CMBL: variants seen among roughly 807,000 people sequenced by gnomAD.
The protein encoded by CMBL is carboxymethylenebutenolidase homolog.
In CMBL, 17 loss-of-function variants were observed where a neutral mutation model predicts 28.7. That is an observed-to-expected ratio of 0.59 (90% CI 0.41 to 0.89). The LOEUF (loss-of-function observed/expected upper bound fraction) is 0.89. CMBL is among the 40% of genes least tolerant of loss of function. CMBL has a pLI of 0.00. For missense variants in CMBL, 310 were observed against 298.5 expected (o/e 1.04, Z -0.28); for synonymous variants, 106 against 101.6 (o/e 1.04, Z -0.26).
chr5:10,290,693 C>G lies in CMBL; in HGVS notation c.70G>C (p.Glu24Gln). ...HRLEYGGLGREVQVEHIKAYV... is the reference protein window; with the variant it reads ...HRLEYGGLGRQVQVEHIKAYV... ...GCCTTGATGTGCTCGACTTGAACTT[C>G]ACGGCCTAGCCCTCCATACTCAAGT... is the stretch of plus-strand genomic sequence containing the variant. Residue 24 changes from glutamate (E) to glutamine (Q), a missense_variant, in exon 2 of 6, where the codon GAA becomes CAA. By Grantham distance (29) the Glu-to-Gln change is conservative. Coordinates refer to ENST00000296658, the MANE Select transcript of CMBL (RefSeq NM_138809.4). 1 of 1,614,206 alleles carries G rather than the reference C, an allele frequency of 6.2e-7. No homozygotes were observed. Among genetic ancestry groups the G allele is most frequent in the Non-Finnish European group, 8.5e-7 (1 of 1,180,050 alleles).
chr5:10,280,276 A>G lies in CMBL; in HGVS notation c.*177T>C. 1.9e-6 allele frequency: 1 copy of G among 514,486 alleles called. No individual in the cohort carries two copies. The highest frequency in any genetic ancestry group is 3.4e-6 in the Non-Finnish European group (1 of 296,362). 31.9% of individuals were successfully genotyped at this position (514,486 alleles called of 1,614,324 possible). On this transcript the variant is annotated 3_prime_UTR_variant, in exon 6 of 6. Transcript: ENST00000296658. ...TAAATTATGATTCGATGTACATGTCAAAAATTAAATTATTTCATGCATTAC... is the reference window on the plus strand; with the variant it reads ...TAAATTATGATTCGATGTACATGTCGAAAATTAAATTATTTCATGCATTAC...
chr5:10,282,324 C>CCA, intron 4 of CMBL, 36 bp from the exon 5 acceptor site: 2 of 1,221,394 alleles, frequency 1.6e-6, no homozygotes, highest in Non-Finnish European at 2.4e-6. Context: ...TGTCTGATCC[C>CCA]CACACTCATG....
In CMBL at chr5:10,279,666, A is replaced by T. The variant is rs2126535696; in HGVS notation, c.*787T>A. 1 of 152,086 alleles carries T rather than the reference A, an allele frequency of 6.6e-6. No homozygotes were observed. The highest frequency in any genetic ancestry group is 6.6e-5 in the Admixed American group (1 of 15,266). 9.4% of individuals were successfully genotyped at this position (152,086 alleles called of 1,614,324 possible). A position where few individuals can be genotyped will look rare whatever the true frequency, so the allele number is the denominator to read the frequency against. ...AGTGATTCTCCTCCTCAGACTCCTG[A>T]GTAGCTGGGATTACAGGCACATGCC... On this transcript the variant is annotated 3_prime_UTR_variant, in exon 6 of 6. Coordinates refer to ENST00000296658, the MANE Select transcript of CMBL (RefSeq NM_138809.4).
intron 1 of CMBL, among the ~76,000 whole-genome samples, chr5:10,295,178 G>T (rs1019026434): frequency 1.3e-5 from 2 of 152,004 alleles, no homozygotes; most frequent in Non-Finnish European, 2.9e-5. Flanking sequence ...CCACCTTCTG[G>T]GTTCAAGCGA....
chr5:10,301,875 G>A (rs903760797), intron 1 of CMBL, among the ~76,000 whole-genome samples: 1 of 151,646 alleles, frequency 6.6e-6, no homozygotes, highest in Admixed American at 6.6e-5. Flanking sequence ...TTGGCTATGA[G>A]GACCTAGGGA....
In CMBL at chr5:10,280,445, G is replaced by C; in HGVS notation, c.*8C>G. 1 of 1,563,968 alleles carries C rather than the reference G, an allele frequency of 6.4e-7. No individual in the cohort carries two copies. Among genetic ancestry groups the C allele is most frequent in the Non-Finnish European group, 8.7e-7 (1 of 1,144,572 alleles). On this transcript the variant is annotated 3_prime_UTR_variant, in exon 6 of 6. Coordinates refer to ENST00000296658, the MANE Select transcript of CMBL (RefSeq NM_138809.4). ...AGCTATTCTAGGAAGGCTTGCCCTT[G>C]ATTCTTGCTACATGTACTTGTTCAG...
chr5:10,282,248 G>A lies in CMBL; in HGVS notation c.507C>T (p.Asn169=). Reference sequence around the variant, plus strand: ...TTTCAGCAAAAATGAACAAAGTGGGGTTCTTTAAATTGTAAATGTCTTCAG... The same window carrying A: ...TTTCAGCAAAAATGAACAAAGTGGGATTCTTTAAATTGTAAATGTCTTCAG... ...KDSEDIYNLK[N]PTLFIFAEND... is the part of the protein sequence containing the mutation. Residue 169 remains asparagine, a synonymous_variant, in exon 5 of 6, where the codon AAC becomes AAT. Transcript: ENST00000296658. 2 of 1,613,060 alleles carry A rather than the reference G, an allele frequency of 1.2e-6. No homozygotes were observed. Among genetic ancestry groups the A allele is most frequent in the South Asian group, 2.2e-5 (2 of 91,072 alleles).
At chr5:10,291,006 G>C (rs937153488) in intron 1 of CMBL, among the ~76,000 whole-genome samples, 1 of 152,082 alleles carries the variant, frequency 6.6e-6, no homozygotes, top group Non-Finnish European at 1.5e-5. Context: ...AAAAAATAGC[G>C]ATGAAAGAAC....
At chr5:10,304,164 C>CAAA (rs1746958318) in intron 1 of CMBL, among the ~76,000 whole-genome samples, 1 of 151,570 alleles carries the variant, frequency 6.6e-6, no homozygotes, top group African/African-American at 2.4e-5. Flanking sequence ...AGTTCAAGAC[C>CAAA]TGCCTGGGCA....
chr5:10,283,910 G>T (rs1746549362), intron 4 of CMBL, among the ~76,000 whole-genome samples: 1 of 152,218 alleles, frequency 6.6e-6, no homozygotes, highest in South Asian at 2.1e-4. Flanking sequence ...GTAAGTAAAA[G>T]ATTTGCAGCA....
At position 10,290,717 on chromosome 5, in the gene CMBL, G is replaced by C. The variant is rs1202222353; in HGVS notation, c.46C>G (p.Leu16Val). The C allele has an allele frequency of 5.6e-6, 9 of 1,614,084 alleles. No homozygotes were observed. The highest frequency in any genetic ancestry group is 5.9e-6 in the Non-Finnish European group (7 of 1,180,058). ...TCACGGCCTAGCCCTCCATACTCAA[G>C]TCTGTGGCCAATGTCACACGGACAA... ...YPCPCDIGHR[L>V]EYGGLGREVQ... is the part of the protein sequence containing the mutation. The change falls in exon 2 of 6, where the codon CTT becomes GTT. Residue 16 changes from leucine to valine, a missense_variant. Physicochemically the swap from Leu to Val is conservative, Grantham distance 32. Coordinates refer to ENST00000296658, the MANE Select transcript of CMBL (RefSeq NM_138809.4).
Position 10,290,735 on chromosome 5 carries a change from A to T in CMBL, c.28T>A (p.Cys10Ser), listed in dbSNP as rs140447154. Residue 10 changes from cysteine to serine, a missense_variant, in exon 2 of 6, where the codon TGT becomes AGT. Transcript: ENST00000296658. Reference sequence around the variant, plus strand: ...TACTCAAGTCTGTGGCCAATGTCACACGGACAAGGATAAGCTTCGTTAGCC... The same window carrying T: ...TACTCAAGTCTGTGGCCAATGTCACTCGGACAAGGATAAGCTTCGTTAGCC... MANEAYPCP[C>S]DIGHRLEYGG... 1 of 1,614,246 alleles carries T rather than the reference A, an allele frequency of 6.2e-7. No homozygotes were observed. Among genetic ancestry groups the T allele is most frequent in the Admixed American group, 1.7e-5 (1 of 60,032 alleles).
intron 4 of CMBL, 92 bp downstream of exon 4, chr5:10,286,262 G>A (rs1746602467): frequency 1.6e-6 from 2 of 1,256,058 alleles, no homozygotes; most frequent in East Asian, 2.4e-5. Flanking sequence ...ATTATTGGGG[G>A]TTGTGTTACA....
At chr5:10,296,622 G>C (rs1746814381) in intron 1 of CMBL, among the ~76,000 whole-genome samples, 2 of 152,318 alleles carry the variant, frequency 1.3e-5, no homozygotes, top group South Asian at 2.1e-4. Context: ...AGAAGACTGA[G>C]CCCTGGGGTC....
At chr5:10,305,030 T>C (rs562788273) in intron 1 of CMBL, among the ~76,000 whole-genome samples, 6 of 152,354 alleles carry the variant, frequency 3.9e-5, no homozygotes, top group Non-Finnish European at 8.8e-5. Context: ...GGGGCAGGAC[T>C]GTGTGTCTGA....
chr5:10,285,395 T>C (rs1413058797), intron 4 of CMBL, among the ~76,000 whole-genome samples: 2 of 151,884 alleles, frequency 1.3e-5, no homozygotes, highest in African/African-American at 2.4e-5. Flanking sequence ...TCTCGAACTA[T>C]TGACCTCATG....
intron 4 of CMBL, among the ~76,000 whole-genome samples, chr5:10,282,836 A>G (rs531042323): frequency 6.6e-6 from 1 of 152,222 alleles, no homozygotes; most frequent in East Asian, 1.9e-4. Context: ...TCAAGCCTGT[A>G]ATCCCAGCAC....
Position 10,288,463 on chromosome 5 carries a change from G to A in CMBL, c.282C>T (p.Phe94=). The A allele has an allele frequency of 6.2e-7, 1 of 1,614,064 alleles. No individual in the cohort carries two copies. The highest frequency in any genetic ancestry group is 8.5e-7 in the Non-Finnish European group (1 of 1,179,966). The part of the protein sequence containing the change: ...PWDPSGDWSI[F]PEWLKTRNAQ... ...CATTTCTTGTTTTCAGCCACTCAGG[G>A]AAGATAGACCAGTCGCCAGAGGGGT... Residue 94 remains phenylalanine, a synonymous_variant, in exon 3 of 6, where the codon TTC becomes TTT. Transcript: ENST00000296658.
At position 10,289,677 on chromosome 5, in the gene CMBL, T is replaced by G. The variant is rs2126548322; in HGVS notation, c.215+871A>C. Among the ~76,000 whole-genome samples, 1 of 152,336 alleles carries G rather than the reference T, an allele frequency of 6.6e-6. No individual in the cohort carries two copies. The highest frequency in any genetic ancestry group is 1.9e-4 in the East Asian group (1 of 5,186). On this transcript the variant is annotated intron_variant, in intron 2 of 5. Transcript: ENST00000296658. The surrounding 1 kb of genome is among the most constrained non-coding windows in gnomAD (Gnocchi z 4.3). ...TATTTATTTACTTATTTATTTTTACTGGGCTTGCCCCTAGAAAGTTAAGTC... is the reference window on the plus strand; with the variant it reads ...TATTTATTTACTTATTTATTTTTACGGGGCTTGCCCCTAGAAAGTTAAGTC...
Sources: gnomAD v4.1 joint callset for allele counts (sites outside exome capture counted in the v4.1 genomes callset) on GRCh38, gnomAD v4.1.1 for gene constraint, Gnocchi (gnomAD v3.1) non-coding constraint, MANE v1.5 for transcripts, NCBI Gene and HGNC (gene_info 2026-07-23, HGNC 2026-07-21) for gene names.